The following TLK1 variants were observed in gnomAD, a reference collection of about 807,000 sequenced individuals.
TLK1 encodes the protein serine/threonine-protein kinase tousled-like 1.
TLK1 carries 24 observed loss-of-function variants against 105.3 expected under a neutral mutation model. The ratio of observed to expected loss-of-function variants is 0.23; its 90% confidence interval spans 0.17 to 0.32. The LOEUF (loss-of-function observed/expected upper bound fraction) is 0.32. TLK1 is among the 10% of genes least tolerant of loss of function. TLK1 has a pLI of 1.00. For missense variants in TLK1, 558 were observed against 910.5 expected (o/e 0.61, Z 4.98); for synonymous variants, 321 against 310.4 (o/e 1.03, Z -0.36).
At chr2:171,070,380 GTCTT>G (rs986878092) in intron 3 of TLK1, among the ~76,000 whole-genome samples, 16 of 151,790 alleles carry the variant, frequency 1.1e-4, no homozygotes, top group African/African-American at 2.7e-4. Flanking sequence ...GTCTTACTAA[GTCTT>G]TCTATTTTTG....
chr2:171,017,136 T>C (rs1214880058), intron 12 of TLK1, among the ~76,000 whole-genome samples: 1 of 152,158 alleles, frequency 6.6e-6, no homozygotes, highest in Non-Finnish European at 1.5e-5. Context: ...ACTCAAAACA[T>C]AGCTTAGTTA....
intron 5 of TLK1, among the ~76,000 whole-genome samples, chr2:171,057,547 A>T (rs1687561454): frequency 6.6e-6 from 1 of 152,050 alleles, no homozygotes; most frequent in African/African-American, 2.4e-5. Flanking sequence ...AGATTTTACG[A>T]ACCCAAGAAA....
chr2:171,176,991 C>A (rs1012498089), intron 1 of TLK1, among the ~76,000 whole-genome samples: 4 of 152,076 alleles, frequency 2.6e-5, no homozygotes, highest in Non-Finnish European at 5.9e-5. Context: ...TGCCACCATG[C>A]CCAGTTAATT....
chr2:171,118,636 G>C (rs1443345087), intron 1 of TLK1, among the ~76,000 whole-genome samples: 2 of 152,104 alleles, frequency 1.3e-5, no homozygotes, highest in Non-Finnish European at 2.9e-5. Flanking sequence ...CCAAATTCTA[G>C]ATGAAGTTCA....
chr2:171,229,469 T>C (rs1168286389), intron 1 of TLK1, among the ~76,000 whole-genome samples: 1 of 152,200 alleles, frequency 6.6e-6, no homozygotes, highest in Non-Finnish European at 1.5e-5. Flanking sequence ...TTGTGTTTAG[T>C]TCTAGCTGCC....
At chr2:171,184,737 T>C (rs922601345) in intron 1 of TLK1, among the ~76,000 whole-genome samples, 1 of 152,156 alleles carries the variant, frequency 6.6e-6, no homozygotes, top group Non-Finnish European at 1.5e-5. Flanking sequence ...TAAAATGTCA[T>C]CCTTACTGTA....
At position 171,191,334 on chromosome 2, in the gene TLK1, C is replaced by T. The variant is rs946999641; in HGVS notation, c.-6+39811G>A. On this transcript the variant is annotated intron_variant, in intron 1 of 20. Coordinates refer to the TLK1 transcript ENST00000521943. The stretch of plus-strand genomic sequence containing the variant: ...CTTTAATCCCAACACTTTGAGAGGC[C>T]AAGGTGGAAGTTTCACTTGAGGCCA... Among the ~76,000 whole-genome samples the T allele has an allele frequency of 2.6e-5, 4 of 151,820 alleles. No homozygotes were observed. The South Asian group carries it at 6.3e-4, about 24-fold the overall frequency.
rs1683809041 is a variant in TLK1, at chr2:170,992,062, A to G, written c.*1718T>C. ...TTGAAACAATTTACACTTGTCTTGA[A>G]GTATACTTAAGGAATTTATTCAGCT... On this transcript the variant is annotated 3_prime_UTR_variant, in exon 21 of 21. Transcript: ENST00000431350. 6.6e-6 allele frequency: 1 copy of G among 152,156 alleles called. No individual in the cohort carries two copies. Among genetic ancestry groups the G allele is most frequent in the Non-Finnish European group, 1.5e-5 (1 of 68,014 alleles). The allele number at this position is 152,156 out of a possible 1,614,324, so 9.4% of individuals were successfully genotyped here. A position where few individuals can be genotyped will look rare whatever the true frequency, so the allele number is the denominator to read the frequency against.
At chr2:171,059,354 C>T (rs983434146) in intron 4 of TLK1, among the ~76,000 whole-genome samples, 3 of 152,198 alleles carry the variant, frequency 2.0e-5, no homozygotes, top group African/African-American at 7.2e-5. Flanking sequence ...ACACCCTTCA[C>T]CCTACATGGC....
chr2:171,151,463 T>A (rs1055230400), intron 1 of TLK1, among the ~76,000 whole-genome samples: 5 of 150,820 alleles, frequency 3.3e-5, no homozygotes, highest in African/African-American at 1.2e-4. Flanking sequence ...TTAATAAATA[T>A]GTGTATCTTT....
chr2:171,047,550 T>C (rs1315243582), intron 10 of TLK1, among the ~76,000 whole-genome samples: 1 of 152,060 alleles, frequency 6.6e-6, no homozygotes, highest in African/African-American at 2.4e-5. Context: ...AGGTAGAAGA[T>C]TGAAAGGGTA....
At chr2:171,026,943 T>C (rs750849219) in intron 12 of TLK1, among the ~76,000 whole-genome samples, 9 of 152,088 alleles carry the variant, frequency 5.9e-5, no homozygotes, top group Non-Finnish European at 1.0e-4. Flanking sequence ...TAGAACTACT[T>C]AAATAACAAA....
At chr2:171,039,585 C>A (rs1244941115) in intron 11 of TLK1, among the ~76,000 whole-genome samples, 1 of 152,116 alleles carries the variant, frequency 6.6e-6, no homozygotes, top group Admixed American at 6.6e-5. Flanking sequence ...TTATTCATAT[C>A]CCCTGGAATT....
chr2:171,212,655 A>G (rs991612738), intron 1 of TLK1, among the ~76,000 whole-genome samples: 2 of 144,636 alleles, frequency 1.4e-5, no homozygotes, highest in African/African-American at 2.5e-5. Context: ...GTAATTTCTT[A>G]ACTGTAAAAA....
intron 3 of TLK1, among the ~76,000 whole-genome samples, chr2:171,071,004 T>C (rs1327441010): frequency 6.6e-6 from 1 of 152,198 alleles, no homozygotes; most frequent in East Asian, 1.9e-4. Context: ...AATTTTGATT[T>C]GCATGTCTCT....
intron 12 of TLK1, 31 bp downstream of exon 12, chr2:171,028,308 G>A: frequency 6.7e-7 from 1 of 1,501,172 alleles, no homozygotes; most frequent in South Asian, 1.1e-5. Context: ...GTAGCAAATT[G>A]AACTAAAAAT....
chr2:171,157,684 T>C, intron 1 of TLK1, among the ~76,000 whole-genome samples: 1 of 152,138 alleles, frequency 6.6e-6, no homozygotes, highest in East Asian at 1.9e-4. Flanking sequence ...TAATCTTAGG[T>C]TTGTGGTTTC....
chr2:171,108,057 CA>C (rs142426984), intron 2 of TLK1, among the ~76,000 whole-genome samples: 5 of 107,052 alleles, frequency 4.7e-5, no homozygotes, highest in South Asian at 2.7e-4. Context: ...ACCCCTCTCT[CA>C]AAAAAAAAAC....
In TLK1 at chr2:171,003,273, C is replaced by CAAAAAAAAAAAAAAA. The variant is rs777049271; in HGVS notation, c.1904+2859_1904+2873dup. ...TGGGCGACAGAGCAAGACTCCGTCT[C>CAAAAAAAAAAAAAAA]AAAAAAAAAAAAAAAAAAAAAAAAA... is the stretch of plus-strand genomic sequence containing the variant. On this transcript the variant is annotated intron_variant, in intron 18 of 20. Coordinates refer to ENST00000431350, the MANE Select transcript of TLK1 (RefSeq NM_012290.5). Among the ~76,000 whole-genome samples the CAAAAAAAAAAAAAAA allele has an allele frequency of 7.3e-5, 5 of 68,494 alleles. 1 individual carries two copies. Among genetic ancestry groups the CAAAAAAAAAAAAAAA allele is most frequent in the African/African-American group, 3.3e-4 (4 of 12,232 alleles). 44.9% of individuals were successfully genotyped at this position (68,494 alleles called of 152,430 possible).
Sources: gnomAD v4.1 joint callset for allele counts (sites outside exome capture counted in the v4.1 genomes callset) on GRCh38, gnomAD v4.1.1 for gene constraint, MANE v1.5 for transcripts, NCBI Gene and HGNC (gene_info 2026-07-23, HGNC 2026-07-21) for gene names.